Variants in ANKRD31 observed in about 807,000 individuals in gnomAD.
ANKRD31 encodes ankyrin repeat domain 31, also known as ankyrin repeat domain-containing protein 31.
In ANKRD31, 147 loss-of-function variants were observed where a neutral mutation model predicts 186.0. The ratio of observed to expected loss-of-function variants is 0.79; its 90% CI spans 0.69 to 0.91. ANKRD31 has a LOEUF of 0.91. ANKRD31 is among the 40% of genes least tolerant of loss of function. ANKRD31 has a pLI of 0.00. For missense variants in ANKRD31, 1,986 were observed against 2,148.8 expected, an observed-to-expected ratio of 0.92 and a Z score of 1.50; for synonymous variants, 673 against 736.4, an observed-to-expected ratio of 0.91 and a Z score of 1.39.
chr5:75,083,206 T>C (rs1181010730), intron 24 of ANKRD31, among the ~76,000 whole-genome samples: 2 of 152,220 alleles, frequency 1.3e-5, no homozygotes, highest in African/African-American at 4.8e-5. Context: ...GTTTTGACTG[T>C]GACTTGTCAC....
chr5:75,215,713 G>T (rs1756920243), intron 3 of ANKRD31, among the ~76,000 whole-genome samples: 1 of 151,704 alleles, frequency 6.6e-6, no homozygotes, highest in Non-Finnish European at 1.5e-5. Flanking sequence ...CTTTAAAGTT[G>T]AAATATCAAT....
At chr5:75,077,770 G>A (rs996992770) in intron 25 of ANKRD31, among the ~76,000 whole-genome samples, 2 of 151,446 alleles carry the variant, frequency 1.3e-5, no homozygotes, top group East Asian at 1.9e-4. Flanking sequence ...CTAAAAATAC[G>A]AAAAATTAGC....
chr5:75,132,148 A>G (rs1749904521), intron 17 of ANKRD31, among the ~76,000 whole-genome samples: 1 of 152,252 alleles, frequency 6.6e-6, no homozygotes, highest in African/African-American at 2.4e-5. Context: ...AATGGAGCAA[A>G]GATGGACAGA....
At chr5:75,108,983 T>C (rs1747553511) in intron 20 of ANKRD31, among the ~76,000 whole-genome samples, 1 of 152,196 alleles carries the variant, frequency 6.6e-6, no homozygotes, top group Admixed American at 6.5e-5. Flanking sequence ...ATTTTATATA[T>C]AATTTGGTAT....
rs1334956212 is a variant in ANKRD31 at position 75,107,611 on chromosome 5, T to C, written c.4250A>G (p.Tyr1417Cys). The change falls in exon 21 of 26, where the codon TAC (tyrosine) becomes TGC (cysteine). Residue 1417 changes from tyrosine (Y) to cysteine (C), a missense_variant. Physicochemically the swap from Tyr to Cys is radical, Grantham distance 194 (BLOSUM62 -2). Coordinates refer to ENST00000506364, the MANE Select transcript of ANKRD31 (RefSeq NM_001372053.1). ...TTTTATCTTTAACATCTTTTCAATGTATTGTTCTAGAAACATGACAATAAA... is the reference window on the plus strand; with the variant it reads ...TTTTATCTTTAACATCTTTTCAATGCATTGTTCTAGAAACATGACAATAAA... ...EIRNPEDAEQYIEKMLKIKKI... is the reference protein window; with the variant it reads ...EIRNPEDAEQCIEKMLKIKKI... 1.3e-6 allele frequency: 2 copies of C among 1,511,176 alleles called. No homozygotes were observed. The highest frequency in any genetic ancestry group is 1.7e-4 in the Middle Eastern group (1 of 5,914). 93.6% of individuals were successfully genotyped at this position (1,511,176 alleles called of 1,614,324 possible).
At chr5:75,102,771 A>G (rs1009717661) in intron 22 of ANKRD31, among the ~76,000 whole-genome samples, 2 of 151,926 alleles carry the variant, frequency 1.3e-5, no homozygotes, top group Non-Finnish European at 2.9e-5. Flanking sequence ...GTTTGCTAAG[A>G]CCACTGGAAA....
chr5:75,222,312 A>T lies in ANKRD31; in HGVS notation c.225T>A (p.Asp75Glu), dbSNP rs1412952108. The change falls in exon 3 of 26, where the codon GAT becomes GAA. Residue 75 changes from aspartate (D) to glutamate (E), a missense_variant. Physicochemically the swap from Asp to Glu is conservative, Grantham distance 45. Coordinates refer to ENST00000506364, the MANE Select transcript of ANKRD31 (RefSeq NM_001372053.1). The part of the protein sequence containing the change: ...EIQLGFKLRE[D>E]LQEQMNKNKM... ...TATTTTTATTCATTTGCTCTTGCAG[A>T]TCCTCTCTGAGCTTAAATCCAAGTT... The T allele has an allele frequency of 6.5e-7, 1 of 1,536,910 alleles. No individual in the cohort carries two copies. The highest frequency in any genetic ancestry group is 8.7e-7 in the Non-Finnish European group (1 of 1,146,762).
chr5:75,088,537 GCTGCA>G (rs2150026992), intron 23 of ANKRD31, among the ~76,000 whole-genome samples: 1 of 152,298 alleles, frequency 6.6e-6, no homozygotes, highest in East Asian at 1.9e-4. Flanking sequence ...GGCAATAGTT[GCTGCA>G]CATGACTAAG....
intron 17 of ANKRD31, among the ~76,000 whole-genome samples, chr5:75,120,421 C>T (rs1323011691): frequency 2.6e-5 from 4 of 152,100 alleles, no homozygotes; most frequent in Non-Finnish European, 5.9e-5. Flanking sequence ...AATGATCCCA[C>T]TTGCAAGAGG....
chr5:75,096,204 C>T (rs549638080), intron 22 of ANKRD31, among the ~76,000 whole-genome samples: 1 of 152,284 alleles, frequency 6.6e-6, no homozygotes, highest in African/African-American at 2.4e-5. Context: ...TAATAATCGT[C>T]ATTCTGACTG....
At chr5:75,130,966 T>C (rs1580384891) in intron 17 of ANKRD31, among the ~76,000 whole-genome samples, 1 of 152,166 alleles carries the variant, frequency 6.6e-6, no homozygotes, top group Admixed American at 6.5e-5. Flanking sequence ...GAGAAAGAGA[T>C]GGAGAACCGC....
At chr5:75,165,898 T>C (rs1752888449) in intron 11 of ANKRD31, among the ~76,000 whole-genome samples, 1 of 152,202 alleles carries the variant, frequency 6.6e-6, no homozygotes, top group Non-Finnish European at 1.5e-5. Context: ...ATTAAAACTT[T>C]CTATAAAAAC....
intron 19 of ANKRD31, among the ~76,000 whole-genome samples, chr5:75,114,102 T>C (rs867950563): frequency 1.3e-5 from 2 of 152,208 alleles, no homozygotes; most frequent in Non-Finnish European, 2.9e-5. Context: ...TTTCAATCAA[T>C]ATGTATATCT....
At chr5:75,091,946 G>T (rs958698747) in intron 22 of ANKRD31, among the ~76,000 whole-genome samples, 18 of 152,028 alleles carry the variant, frequency 1.2e-4, no homozygotes, top group Non-Finnish European at 2.4e-4. Flanking sequence ...TAAGGTGGTG[G>T]TTTCACATTG....
chr5:75,099,033 T>C (rs1746577195), intron 22 of ANKRD31, among the ~76,000 whole-genome samples: 3 of 152,108 alleles, frequency 2.0e-5, no homozygotes, highest in Admixed American at 1.3e-4. Flanking sequence ...ATGCTTCCAG[T>C]TTTTGCCCAT....
chr5:75,075,508 A>G (rs1321759175), intron 25 of ANKRD31, among the ~76,000 whole-genome samples: 2 of 152,226 alleles, frequency 1.3e-5, no homozygotes, highest in African/African-American at 4.8e-5. Flanking sequence ...TATCTTCTTG[A>G]TTTAATAATT....
chr5:75,215,231 A>T (rs1756897346), intron 3 of ANKRD31, among the ~76,000 whole-genome samples: 1 of 152,140 alleles, frequency 6.6e-6, no homozygotes, highest in South Asian at 2.1e-4. Context: ...TCAGGTCTTC[A>T]ACTGATTAGA....
chr5:75,138,735 A>T (rs553347205), intron 16 of ANKRD31, 111 bp downstream of exon 16: 9 of 1,110,800 alleles, frequency 8.1e-6, no homozygotes, highest in Non-Finnish European at 9.8e-6. Flanking sequence ...GATTGTTCAA[A>T]GTTATCACTT....
At chr5:75,211,145 A>C (rs1414672525) in intron 3 of ANKRD31, among the ~76,000 whole-genome samples, 1 of 152,174 alleles carries the variant, frequency 6.6e-6, no homozygotes, top group Admixed American at 6.5e-5. Context: ...CTCATTAAAC[A>C]CTAACTCCCC....
Sources: allele counts gnomAD v4.1 joint callset (sites outside exome capture counted in the v4.1 genomes callset), GRCh38; gene constraint gnomAD v4.1.1; transcripts MANE v1.5; gene names NCBI Gene and HGNC (gene_info 2026-07-23, HGNC 2026-07-21).